Variants in KLC2 observed in about 807,000 individuals in gnomAD.
KLC2 encodes the protein kinesin light chain 2, also known as KLC 2.
A neutral mutation model predicts 75.1 loss-of-function variants in KLC2; 35 were observed. The ratio of observed to expected loss-of-function variants is 0.47; its 90% CI spans 0.36 to 0.62. The LOEUF (loss-of-function observed/expected upper bound fraction) is 0.62. Ranked by LOEUF, KLC2 falls within the 20% of genes least tolerant of loss-of-function variation. KLC2 has a pLI of 0.00. For synonymous variants in KLC2, 314 were observed against 336.7 expected, an observed-to-expected ratio of 0.93 and a Z score of 0.74; for missense variants, 611 against 833.2, an observed-to-expected ratio of 0.73 and a Z score of 3.28.
rs1306468531 is a variant in KLC2, at chr11:66,267,633, C to G, written c.*677C>G. ...CCACCGCCGGGCCCTGCCCCGCATC[C>G]CGGCCTTATGCACTGCCCCTCCCAC... On this transcript the variant is annotated 3_prime_UTR_variant, in exon 16 of 16. Transcript: ENST00000394067. The G allele has an allele frequency of 3.4e-6, 2 of 595,706 alleles. No homozygotes were observed. Among genetic ancestry groups the G allele is most frequent in the South Asian group, 2.0e-5 (1 of 50,802 alleles). 36.9% of individuals were successfully genotyped at this position (595,706 alleles called of 1,614,324 possible). A position where few individuals can be genotyped will look rare whatever the true frequency, so the allele number is the denominator to read the frequency against.
chr11:66,266,509 CTG>C lies in KLC2; in HGVS notation c.1785+20_1785+21del. ...GACCCAGGTAGGGGCAGGCGGGTGTCTGGGCACTGGGCAGCTGCGGCCGGGGC... is the reference window on the plus strand; with the variant it reads ...GACCCAGGTAGGGGCAGGCGGGTGTCGGCACTGGGCAGCTGCGGCCGGGGC... On this transcript the variant is annotated intron_variant, in intron 15 of 15. Transcript: ENST00000394067. 1 of 1,612,460 alleles carries C rather than the reference CTG, an allele frequency of 6.2e-7. No homozygotes were observed.
the KLC2 span, among the ~76,000 whole-genome samples, chr11:66,251,028 G>A: frequency 8.8e-3 from 1,346 of 152,224 alleles, 82 homozygotes; most frequent in East Asian, 0.17. Context: ...ACAACACACC[G>A]GGAGAAACAA....
chr11:66,267,504 G>C lies in KLC2; in HGVS notation c.*548G>C, dbSNP rs557776736. ...TTCTCGGGAGCGGCGCCTCCCAAGG[G>C]GGTCCTGGGACCTTCTCGCGCTCCT... On this transcript the variant is annotated 3_prime_UTR_variant, in exon 16 of 16. Transcript: ENST00000394067. 8.8e-5 allele frequency: 61 copies of C among 690,964 alleles called. No individual in the cohort carries two copies. The African/African-American group carries it at 1.0e-3, about 11-fold the overall frequency. The allele number at this position is 690,964 out of a possible 1,614,324, so 42.8% of individuals were successfully genotyped here.
Position 66,261,846 on chromosome 11 carries a change from G to C in KLC2, c.333G>C (p.Glu111Asp), listed in dbSNP as rs147917885. The C allele has an allele frequency of 9.3e-6, 15 of 1,613,780 alleles. No homozygotes were observed. The highest frequency in any genetic ancestry group is 1.3e-5 in the Non-Finnish European group (15 of 1,179,978). The change falls in exon 3 of 16, where the codon GAG (glutamate) becomes GAC (aspartate). Residue 111 changes from glutamate (E) to aspartate (D), a missense_variant. Physicochemically the swap from Glu to Asp is conservative, Grantham distance 45. Coordinates refer to ENST00000394067, the MANE Select transcript of KLC2 (RefSeq NM_001318734.2). Reference sequence around the variant, plus strand: ...TGCAGGAGAACCAGTGGCTGCGTGAGGAGCTGGCGGGGACACAGCAGAAGC... The same window carrying C: ...TGCAGGAGAACCAGTGGCTGCGTGACGAGCTGGCGGGGACACAGCAGAAGC... The part of the protein sequence containing the change: ...RLVQENQWLR[E>D]ELAGTQQKLQ...
chr11:66,255,245 G>T (rs1032844169), upstream of KLC2, among the ~76,000 whole-genome samples: 1 of 152,214 alleles, frequency 6.6e-6, no homozygotes, highest in Non-Finnish European at 1.5e-5. Context: ...GAGTTCAGTG[G>T]CATGATGTTA....
Position 66,266,465 on chromosome 11 carries a change from A to G in KLC2, c.1760A>G (p.Asn587Ser), listed in dbSNP as rs368032225. 6.2e-7 allele frequency: 1 copy of G among 1,613,190 alleles called. No homozygotes were observed. The highest frequency in any genetic ancestry group is 1.3e-5 in the African/African-American group (1 of 75,004). The stretch of plus-strand genomic sequence containing the variant: ...CGGGCCAGTTCCCTCAACTTCCTCA[A>G]CAAGAGCGTGGAAGAGCCGACCCAG... ...MKRASSLNFL[N>S]KSVEEPTQPG... Residue 587 changes from asparagine to serine, a missense_variant, in exon 15 of 16, where the codon AAC becomes AGC. Coordinates refer to ENST00000394067, the MANE Select transcript of KLC2 (RefSeq NM_001318734.2).
the KLC2 span, among the ~76,000 whole-genome samples, chr11:66,248,913 TTTTC>T: frequency 0.018 from 2,682 of 152,190 alleles, 55 homozygotes; most frequent in Non-Finnish European, 0.024. Flanking sequence ...TTTTGTTTTG[TTTTC>T]TTTCGTTTTT....
At position 66,261,973 on chromosome 11, in the gene KLC2, G is replaced by A. The variant is rs749445604; in HGVS notation, c.459+1G>A. The A allele has an allele frequency of 6.2e-7, 1 of 1,612,674 alleles. No individual in the cohort carries two copies. Among genetic ancestry groups the A allele is most frequent in the Non-Finnish European group, 8.5e-7 (1 of 1,178,796 alleles). ...GTTGGATGAAGACGCCTCCCCTAAC[G>A]TGAGCTCCTACCATGGTCACTGTTG... is the stretch of plus-strand genomic sequence containing the variant. On this transcript the variant is annotated splice_donor_variant, in intron 3 of 15. Transcript: ENST00000394067. LOFTEE classifies it high-confidence loss of function.
chr11:66,264,730 A>C, intron 9 of KLC2: 2 of 577,042 alleles, frequency 3.5e-6, no homozygotes, highest in Non-Finnish European at 6.2e-6. Flanking sequence ...AGTGTCTCCC[A>C]CTCTGGGAAA....
rs1183967253 is a variant in KLC2, at chr11:66,266,192, AC to A, written c.1708del (p.Gln570ArgfsTer8). Reference sequence around the variant, plus strand: ...GCTGGTAAAGAAGCTGCAGGGGGGCACCCCCCAGGAGCCCCCTAACCCCAGG... The same window carrying A: ...GCTGGTAAAGAAGCTGCAGGGGGGCACCCCCAGGAGCCCCCTAACCCCAGG... ...EMLVKKLQGG[T>X]PQEPPNPRMK... On this transcript the variant is annotated frameshift_variant, in exon 14 of 16. Transcript: ENST00000394067. LOFTEE classifies it high-confidence loss of function. 2 of 1,608,302 alleles carry A rather than the reference AC, an allele frequency of 1.2e-6. No homozygotes were observed. The highest frequency in any genetic ancestry group is 1.7e-6 in the Non-Finnish European group (2 of 1,177,240).
chr11:66,248,656 A>C, the KLC2 span, among the ~76,000 whole-genome samples: 2 of 152,064 alleles, frequency 1.3e-5, no homozygotes, highest in Admixed American at 6.6e-5. Context: ...GCATGTCCTT[A>C]GTTTTTCCCT....
rs769537340 is a variant in KLC2, at chr11:66,266,032, C to T, written c.1602+20C>T. On this transcript the variant is annotated intron_variant, in intron 13 of 15. Transcript: ENST00000394067. ...AATGGGGTGAGTCCGGGGCCTGGGC[C>T]GGGTCGGGCTGGGAGCCTAGGTGGC... 3.1e-6 allele frequency: 5 copies of T among 1,613,330 alleles called. No individual in the cohort carries two copies. The South Asian group carries it at 5.5e-5, about 18-fold the overall frequency.
chr11:66,258,499 G>A (rs543935575), intron 1 of KLC2, 85 bp from the exon 2 acceptor site: 1 of 898,494 alleles, frequency 1.1e-6, no homozygotes, highest in South Asian at 1.5e-5. Flanking sequence ...CAGGCGTCCG[G>A]GGACCGCCTG....
At position 66,267,326 on chromosome 11, in the gene KLC2, C is replaced by T; in HGVS notation, c.*370C>T. 1.2e-6 allele frequency: 1 copy of T among 803,146 alleles called. No homozygotes were observed. Among genetic ancestry groups the T allele is most frequent in the South Asian group, 1.4e-5 (1 of 69,306 alleles). 49.8% of individuals were successfully genotyped at this position (803,146 alleles called of 1,614,324 possible). A position where few individuals can be genotyped will look rare whatever the true frequency, so the allele number is the denominator to read the frequency against. ...CGCCCTCCCTCCCGACTCAACCCGG[C>T]CGTTGCTTCTGTATATAGAGAAATA... On this transcript the variant is annotated 3_prime_UTR_variant, in exon 16 of 16. Transcript: ENST00000394067.
chr11:66,266,976 C>T lies in KLC2; in HGVS notation c.*20C>T. On this transcript the variant is annotated 3_prime_UTR_variant, in exon 16 of 16. Coordinates refer to ENST00000394067, the MANE Select transcript of KLC2 (RefSeq NM_001318734.2). ...GGCTAATGCTGAAGGGGCAGCCAGTCACCAGAGCGCCCACCTGGCACACCC... is the reference window on the plus strand; with the variant it reads ...GGCTAATGCTGAAGGGGCAGCCAGTTACCAGAGCGCCCACCTGGCACACCC... 6.2e-7 allele frequency: 1 copy of T among 1,610,180 alleles called. No homozygotes were observed. Among genetic ancestry groups the T allele is most frequent in the South Asian group, 1.1e-5 (1 of 91,048 alleles).
chr11:66,254,796 G>A (rs1269479183), upstream of KLC2, among the ~76,000 whole-genome samples: 1 of 151,626 alleles, frequency 6.6e-6, no homozygotes, highest in East Asian at 1.9e-4. Flanking sequence ...GTGGTGGCAT[G>A]CGCCTGTAGT....
At chr11:66,248,568 G>T in the KLC2 span, among the ~76,000 whole-genome samples, 1 of 152,172 alleles carries the variant, frequency 6.6e-6, no homozygotes, top group African/African-American at 2.4e-5. Context: ...AGTGAGCCAA[G>T]ATTGCACCAC....
At chr11:66,248,313 G>C in the KLC2 span, among the ~76,000 whole-genome samples, 160 of 152,218 alleles carry the variant, frequency 1.1e-3, no homozygotes, top group Admixed American at 4.1e-3. Flanking sequence ...CGTGATGCAC[G>C]ATTATTAACT....
rs1434946440 is a variant in KLC2 at position 66,267,658 on chromosome 11, C to G, written c.*702C>G. 4 of 541,902 alleles carry G rather than the reference C, an allele frequency of 7.4e-6. No individual in the cohort carries two copies. The highest frequency in any genetic ancestry group is 3.3e-6 in the Non-Finnish European group (1 of 306,698). 33.6% of individuals were successfully genotyped at this position (541,902 alleles called of 1,614,324 possible). The stretch of plus-strand genomic sequence containing the variant: ...CCGGCCTTATGCACTGCCCCTCCCA[C>G]CCGGCCCCGCCCAGGCACGGCCGAC... On this transcript the variant is annotated 3_prime_UTR_variant, in exon 16 of 16. Coordinates refer to ENST00000394067, the MANE Select transcript of KLC2 (RefSeq NM_001318734.2).
Sources: allele counts gnomAD v4.1 joint callset (sites outside exome capture counted in the v4.1 genomes callset), GRCh38; gene constraint gnomAD v4.1.1; transcripts MANE v1.5; gene names NCBI Gene and HGNC (gene_info 2026-07-23, HGNC 2026-07-21).